The following PIDD1 variants were observed in gnomAD, a reference collection of about 807,000 sequenced individuals.
The protein encoded by PIDD1 is p53-induced death domain protein 1.
A neutral mutation model predicts 80.0 loss-of-function variants in PIDD1; 72 were observed. That is an observed-to-expected ratio of 0.90 (90% confidence interval 0.74 to 1.09). The LOEUF is 1.09. PIDD1 is among the 50% of genes least tolerant of loss of function. The pLI, the probability that PIDD1 is intolerant of heterozygous loss-of-function variation, is 0.00. For missense variants in PIDD1, 1,329 were observed against 1,228.3 expected (o/e 1.08, Z -1.23); for synonymous variants, 655 against 543.5 (o/e 1.21, Z -2.85).
rs767973598 is a variant in PIDD1, at chr11:802,831, G to C, written c.770C>G (p.Ala257Gly). 6.3e-7 allele frequency: 1 copy of C among 1,597,160 alleles called. No individual in the cohort carries two copies. Among genetic ancestry groups the C allele is most frequent in the African/African-American group, 1.3e-5 (1 of 74,742 alleles). The change falls in exon 4 of 16, where the codon GCT becomes GGT. Residue 257 changes from alanine (A) to glycine (G), a missense_variant. Ala to Gly is a moderately conservative substitution (Grantham distance 60). Transcript: ENST00000347755. Reference protein sequence around the residue: ...LHSNLLASVPADLARLPLLTR... With the variant: ...LHSNLLASVPGDLARLPLLTR... ...GAGGAGTGGAAGGCGGGCCAAGTCA[G>C]CTGGCACAGAGGCCAGGAGGTTGCT...
At position 800,590 on chromosome 11, in the gene PIDD1, C is replaced by T. The variant is rs1283495201; in HGVS notation, c.1994G>A (p.Gly665Asp). 6.3e-7 allele frequency: 1 copy of T among 1,588,202 alleles called. No homozygotes were observed. Among genetic ancestry groups the T allele is most frequent in the South Asian group, 1.1e-5 (1 of 90,122 alleles). The part of the protein sequence containing the change: ...EPSDTVEMFE[G>D]EEFFAAFERG... ...CTCGAAGGCCGCAAAGAACTCTTCG[C>T]CCTCGAACATCTCCACCGTGTCAGA... The change falls in exon 12 of 16, where the codon GGC (glycine) becomes GAC (aspartate). Residue 665 changes from glycine (G) to aspartate (D), a missense_variant. Physicochemically the swap from Gly to Asp is moderately conservative, Grantham distance 94. Transcript: ENST00000347755.
In PIDD1 at chr11:800,469, G is replaced by T. The variant is rs910226713; in HGVS notation, c.2042-18C>A. 13 of 1,611,608 alleles carry T rather than the reference G, an allele frequency of 8.1e-6. No homozygotes were observed. The African/African-American group carries it at 1.7e-4, about 22-fold the overall frequency. ...AGGGCGGTCTAGGGGACAGGGGTGG[G>T]CTGAGCAAGGAGGGCTCGGGGAGGA... On this transcript the variant is annotated intron_variant, in intron 12 of 15. Transcript: ENST00000347755.
At chr11:803,726 G>A (rs1205842605) in intron 2 of PIDD1, 139 bp from the exon 3 acceptor site, 32 of 990,328 alleles carry the variant, frequency 3.2e-5, no homozygotes, top group Non-Finnish European at 3.4e-5. Flanking sequence ...GGGACAGACA[G>A]ACAGAAACAC....
Position 802,690 on chromosome 11 carries a change from C to T in PIDD1, c.911G>A (p.Ser304Asn), listed in dbSNP as rs1477264500. ...TCTAGCACCAAGCCTACCTGGTGAA[C>T]TCGGGGCGTCTGGCGAGGCCTCACC... Reference protein sequence around the residue: ...PLGEASPDAPSSPVAALIPEM... With the variant: ...PLGEASPDAPNSPVAALIPEM... The change falls in exon 4 of 16, where the codon AGT (serine) becomes AAT (asparagine). Residue 304 changes from serine (S) to asparagine (N), a missense_variant. By Grantham distance (46) the Ser-to-Asn change is conservative. Transcript: ENST00000347755. The T allele has an allele frequency of 1.9e-6, 3 of 1,610,188 alleles. No individual in the cohort carries two copies. The highest frequency in any genetic ancestry group is 2.5e-6 in the Non-Finnish European group (3 of 1,178,290).
chr11:803,660 G>A, intron 2 of PIDD1, 73 bp from the exon 3 acceptor site: 3 of 1,524,156 alleles, frequency 2.0e-6, no homozygotes, highest in Non-Finnish European at 2.7e-6. Context: ...GCCAGCCAGA[G>A]AAACAGCTGC....
rs537214165 is a variant in PIDD1, at chr11:800,420, G to A, written c.2073C>T (p.Cys691=). Residue 691 remains cysteine (C), a synonymous_variant, in exon 13 of 16, where the codon TGC becomes TGT. Transcript: ENST00000347755. Reference sequence around the variant, plus strand: ...TCTTCAGGTGCGAGTAGAAGACAAAGCAGATTCTGCCCTCCACACAGTCAG... The same window carrying A: ...TCTTCAGGTGCGAGTAGAAGACAAAACAGATTCTGCCCTCCACACAGTCAG... ...DRPDCVEGRI[C]FVFYSHLKNV... 8 of 1,612,752 alleles carry A rather than the reference G, an allele frequency of 5.0e-6. No individual in the cohort carries two copies. In the Admixed American group the frequency reaches 6.7e-5, roughly 13 times the overall value.
intron 14 of PIDD1, 30 bp downstream of exon 14, chr11:800,101 C>G (rs1865135624): frequency 1.2e-6 from 2 of 1,605,354 alleles, no homozygotes; most frequent in African/African-American, 1.3e-5. Context: ...CTCGGTCCTG[C>G]CCCGCCCCTC....
chr11:803,831 A>G (rs1323697529), intron 2 of PIDD1: 10 of 629,110 alleles, frequency 1.6e-5, no homozygotes, highest in Non-Finnish European at 2.5e-5. Context: ...CAGGAACAAC[A>G]TCTGCACTGT....
chr11:802,289 A>G lies in PIDD1; in HGVS notation c.1082T>C (p.Leu361Pro). The G allele has an allele frequency of 6.2e-7, 1 of 1,611,910 alleles. No individual in the cohort carries two copies. The highest frequency in any genetic ancestry group is 8.5e-7 in the Non-Finnish European group (1 of 1,179,620). The change falls in exon 6 of 16, where the codon CTG becomes CCG. Residue 361 changes from leucine to proline, a missense_variant. Physicochemically the swap from Leu to Pro is moderately conservative, Grantham distance 98 (BLOSUM62 -3). Coordinates refer to ENST00000347755, the MANE Select transcript of PIDD1 (RefSeq NM_145886.4). ...ATPITIRYRL[L>P]LPEPGLVPLG... ...GGGGACGAGGCCTGGCTCCGGCAGC[A>G]GCAGCCGATAGCGGATGGTGATGGG...
chr11:800,412 A>G lies in PIDD1; in HGVS notation c.2081T>C (p.Phe694Ser), dbSNP rs1180251528. The G allele has an allele frequency of 1.3e-6, 2 of 1,566,804 alleles. No homozygotes were observed. The highest frequency in any genetic ancestry group is 1.1e-5 in the South Asian group (1 of 89,312). ...DCVEGRICFVFYSHLKNVKEV... is the reference protein window; with the variant it reads ...DCVEGRICFVSYSHLKNVKEV... ...CTTCACATTCTTCAGGTGCGAGTAGAAGACAAAGCAGATTCTGCCCTCCAC... is the reference window on the plus strand; with the variant it reads ...CTTCACATTCTTCAGGTGCGAGTAGGAGACAAAGCAGATTCTGCCCTCCAC... The change falls in exon 13 of 16, where the codon TTC becomes TCC. Residue 694 changes from phenylalanine to serine, a missense_variant. Coordinates refer to ENST00000347755, the MANE Select transcript of PIDD1 (RefSeq NM_145886.4).
At position 802,410 on chromosome 11, in the gene PIDD1, G is replaced by A. The variant is rs762454251; in HGVS notation, c.975-14C>T. 3 of 1,610,612 alleles carry A rather than the reference G, an allele frequency of 1.9e-6. No individual in the cohort carries two copies. The highest frequency in any genetic ancestry group is 1.7e-5 in the Admixed American group (1 of 59,982). On this transcript the variant is annotated splice_polypyrimidine_tract_variant and intron_variant, in intron 5 of 15. Transcript: ENST00000347755. Reference sequence around the variant, plus strand: ...GTCACAGGAAAGCTGAGTGAGGAAGGAGCGAGCAACAGGTTAGACCCAGAA... The same window carrying A: ...GTCACAGGAAAGCTGAGTGAGGAAGAAGCGAGCAACAGGTTAGACCCAGAA...
rs1421780349 is a variant in PIDD1, at chr11:801,455, A to G, written c.1472T>C (p.Val491Ala). ...PPGATEEPRRVSMQVVRMAGR... is the reference protein window; with the variant it reads ...PPGATEEPRRASMQVVRMAGR... ...CTGTCCTGGCCATACCTGCATGGAG[A>G]CTCGACGAGGCTCCTCAGTGGCCCC... Residue 491 changes from valine to alanine, a missense_variant, in exon 8 of 16, where the codon GTC becomes GCC. Coordinates refer to ENST00000347755, the MANE Select transcript of PIDD1 (RefSeq NM_145886.4). 20 of 1,544,296 alleles carry G rather than the reference A, an allele frequency of 1.3e-5. No individual in the cohort carries two copies. The highest frequency in any genetic ancestry group is 1.7e-5 in the Non-Finnish European group (20 of 1,142,948).
intron 2 of PIDD1, chr11:803,860 C>T: frequency 1.6e-6 from 1 of 623,658 alleles, no homozygotes; most frequent in Non-Finnish European, 2.8e-6. Flanking sequence ...GAGACCCCCA[C>T]TGGGCAGCGT....
chr11:800,192 G>GCCTCAGCCTCCTCGGGCAC lies in PIDD1; in HGVS notation c.2194_2212dup (p.Ala738GlyfsTer6). The GCCTCAGCCTCCTCGGGCAC allele has an allele frequency of 6.2e-7, 1 of 1,610,994 alleles. No individual in the cohort carries two copies. The highest frequency in any genetic ancestry group is 1.1e-5 in the South Asian group (1 of 90,988). On this transcript the variant is annotated stop_gained and frameshift_variant, in exon 14 of 16. Transcript: ENST00000347755. LOFTEE classifies it high-confidence loss of function. ...GTCTGCGCCCTTCCTCTGCCGGGCA[G>GCCTCAGCCTCCTCGGGCAC]CCTCAGCCTCCTCGGGCACCCGCAC...
Position 802,069 on chromosome 11 carries a change from A to G in PIDD1, c.1198T>C (p.Phe400Leu). The change falls in exon 7 of 16, where the codon TTC becomes CTC. Residue 400 changes from phenylalanine (F) to leucine (L), a missense_variant. Phe to Leu is a conservative substitution (Grantham distance 22, BLOSUM62 0). Coordinates refer to ENST00000347755, the MANE Select transcript of PIDD1 (RefSeq NM_145886.4). ...FQQDVGLWLL[F>L]TPPQARRCRE... ...CAGCGCCGGGCCTGCGGTGGGGTGA[A>G]GAGCAGCCACAGCCCCACATCCTGC... The G allele has an allele frequency of 1.9e-6, 3 of 1,580,734 alleles. No individual in the cohort carries two copies. The highest frequency in any genetic ancestry group is 2.3e-5 in the South Asian group (2 of 86,988).
chr11:808,970 G>A (rs995185416), upstream of PIDD1, among the ~76,000 whole-genome samples: 1 of 152,210 alleles, frequency 6.6e-6, no homozygotes, highest in African/African-American at 2.4e-5. Context: ...TGTTCCTGGT[G>A]CTCGCCCGGG....
intron 1 of PIDD1, 136 bp from the exon 2 acceptor site, chr11:804,599 G>T: frequency 1.1e-6 from 1 of 880,896 alleles, no homozygotes; most frequent in Non-Finnish European, 1.6e-6. Flanking sequence ...GAGACCTTGT[G>T]GTCACCCTGA....
In PIDD1 at chr11:799,482, A is replaced by G. The variant is rs1384946300; in HGVS notation, c.2558T>C (p.Leu853Pro). 1 of 1,608,818 alleles carries G rather than the reference A, an allele frequency of 6.2e-7. No homozygotes were observed. The highest frequency in any genetic ancestry group is 1.7e-5 in the Admixed American group (1 of 60,006). The change falls in exon 16 of 16, where the codon CTG becomes CCG. Residue 853 changes from leucine to proline, a missense_variant. Physicochemically the swap from Leu to Pro is moderately conservative, Grantham distance 98. Coordinates refer to ENST00000347755, the MANE Select transcript of PIDD1 (RefSeq NM_145886.4). ...QAGQPGAVGL[L>P]VQALEQSDRQ... ...GTCACTCTGCTCCAGGGCCTGCACC[A>G]GGAGCCCCACAGCCCCTGGCTGCCC...
upstream of PIDD1, among the ~76,000 whole-genome samples, chr11:806,550 C>T (rs1157393872): frequency 6.6e-6 from 1 of 152,044 alleles, no homozygotes; most frequent in Non-Finnish European, 1.5e-5. Context: ...TTCCATTCAC[C>T]CCAGCCCCTT....
Sources: gnomAD v4.1 joint callset for allele counts (sites outside exome capture counted in the v4.1 genomes callset) on GRCh38, gnomAD v4.1.1 for gene constraint, MANE v1.5 for transcripts, NCBI Gene and HGNC (gene_info 2026-07-23, HGNC 2026-07-21) for gene names.